The following ARID1B variants were observed in gnomAD, a reference collection of about 807,000 sequenced individuals.
ARID1B encodes AT-rich interactive domain-containing protein 1B.
ARID1B carries 30 observed loss-of-function variants against 212.3 expected under a neutral mutation model. The ratio of observed to expected loss-of-function variants is 0.14; its 90% confidence interval spans 0.11 to 0.19. The LOEUF (loss-of-function observed/expected upper bound fraction) is 0.19, where lower values mean the gene tolerates loss of function less well. ARID1B is among the 10% of genes least tolerant of loss of function. The pLI is 1.00. For missense variants in ARID1B, 2,891 were observed against 3,204.0 expected (o/e 0.90, Z 2.36); for synonymous variants, 1,402 against 1,301.7 (o/e 1.08, Z -1.66).
chr6:157,144,860 A>G (rs1240545468), intron 7 of ARID1B, among the ~76,000 whole-genome samples: 1 of 152,244 alleles, frequency 6.6e-6, no homozygotes, highest in Admixed American at 6.5e-5. Flanking sequence ...AAACTGATGA[A>G]CAGTGGTGTT....
Position 156,829,158 on chromosome 6 carries a change from C to T in ARID1B, c.1792-69C>T, listed in dbSNP as rs1782962244. On this transcript the variant is annotated intron_variant, in intron 1 of 19. Coordinates refer to ENST00000636930, the MANE Select transcript of ARID1B (RefSeq NM_001374828.1). ...GTTGTGTTATTAATGCATATGTTGACATAACACAAATTTGTGCCTTTGTAA... is the reference window on the plus strand; with the variant it reads ...GTTGTGTTATTAATGCATATGTTGATATAACACAAATTTGTGCCTTTGTAA... 8 of 1,308,470 alleles carry T rather than the reference C, an allele frequency of 6.1e-6. No individual in the cohort carries two copies. The Admixed American group carries it at 1.7e-4, about 27-fold the overall frequency. The allele number at this position is 1,308,470 out of a possible 1,614,324, so 81.1% of individuals were successfully genotyped here.
At chr6:156,918,603 T>C (rs1790541726) in intron 3 of ARID1B, among the ~76,000 whole-genome samples, 1 of 152,232 alleles carries the variant, frequency 6.6e-6, no homozygotes, top group African/African-American at 2.4e-5. Flanking sequence ...TACAGTTGTC[T>C]CAGGCTTTGA....
At chr6:157,165,313 A>G (rs1369513543) in intron 8 of ARID1B, among the ~76,000 whole-genome samples, 2 of 152,200 alleles carry the variant, frequency 1.3e-5, no homozygotes, top group Non-Finnish European at 2.9e-5. Context: ...GGCTAAAGTA[A>G]TGCCCATTTC....
At chr6:157,056,851 A>ACTTTTTTTTGTTAAAACTTTTCTT (rs1782988345) in intron 4 of ARID1B, among the ~76,000 whole-genome samples, 3 of 135,646 alleles carry the variant, frequency 2.2e-5, no homozygotes, top group Non-Finnish European at 5.0e-5. Context: ...GCTTTTTTTA[A>ACTTTTTTTTGTTAAAACTTTTCTT]CTTTTTTTGT....
intron 7 of ARID1B, among the ~76,000 whole-genome samples, chr6:157,137,840 C>G (rs1022977069): frequency 1.3e-5 from 2 of 152,130 alleles, no homozygotes; most frequent in African/African-American, 4.8e-5. Context: ...AGAGGACTTA[C>G]AAGTAGGTGT....
chr6:156,878,232 T>C (rs1040104031), intron 2 of ARID1B, among the ~76,000 whole-genome samples: 1 of 152,092 alleles, frequency 6.6e-6, no homozygotes, highest in Admixed American at 6.5e-5. Context: ...TTTTACCTTG[T>C]GTCAGCGAGG....
At chr6:156,933,349 T>C (rs1791907665) in intron 3 of ARID1B, among the ~76,000 whole-genome samples, 1 of 152,202 alleles carries the variant, frequency 6.6e-6, no homozygotes, top group Admixed American at 6.5e-5. Context: ...TGCACCTTTG[T>C]GCTTTTTTGT....
intron 4 of ARID1B, among the ~76,000 whole-genome samples, chr6:157,032,673 G>A (rs1247518008): frequency 6.6e-6 from 1 of 152,144 alleles, no homozygotes; most frequent in Non-Finnish European, 1.5e-5. Context: ...ATGGAACAAT[G>A]GGTAATGTTA....
chr6:156,777,940 A>ACGCGGGCGC lies in ARID1B; in HGVS notation c.266_274dup (p.Gly89_Ala91dup), dbSNP rs777784233. Reference sequence around the variant, plus strand: ...CGTCACGAACTCAACATGGCCCATAACGCGGGCGCCGCGGCCGCCGCCGGC... The same window carrying ACGCGGGCGC: ...CGTCACGAACTCAACATGGCCCATAACGCGGGCGCCGCGGGCGCCGCGGCCGCCGCCGGC... On this transcript the variant is annotated inframe_insertion, in exon 1 of 20. Coordinates refer to ENST00000636930, the MANE Select transcript of ARID1B (RefSeq NM_001374828.1). The ACGCGGGCGC allele has an allele frequency of 2.9e-5, 44 of 1,526,748 alleles. No individual in the cohort carries two copies. In the Middle Eastern group the frequency reaches 1.4e-3, roughly 47 times the overall value. The allele number at this position is 1,526,748 out of a possible 1,614,324, so 94.6% of individuals were successfully genotyped here.
intron 4 of ARID1B, among the ~76,000 whole-genome samples, chr6:157,004,563 A>G (rs1251942832): frequency 6.6e-6 from 1 of 152,228 alleles, no homozygotes; most frequent in Non-Finnish European, 1.5e-5. Flanking sequence ...TTGAAATTTT[A>G]AAACATACAT....
intron 2 of ARID1B, among the ~76,000 whole-genome samples, chr6:156,861,585 T>G (rs1241016565): frequency 2.0e-5 from 3 of 152,076 alleles, no homozygotes; most frequent in Non-Finnish European, 4.4e-5. Flanking sequence ...CACTCAAGCC[T>G]GGGTTTCAGA....
In ARID1B at chr6:156,778,205, C is replaced by T. The variant is rs2114965854; in HGVS notation, c.525C>T (p.His175=). The T allele has an allele frequency of 6.5e-7, 1 of 1,540,184 alleles. No individual in the cohort carries two copies. Residue 175 remains histidine, a synonymous_variant, in exon 1 of 20, where the codon CAC becomes CAT. Transcript: ENST00000636930. The stretch of plus-strand genomic sequence containing the variant: ...ACCACCACCACCACCATGCCCACCA[C>T]CACCACCACCATGCCCACCACCTCC... ...QQHHHHHHAH[H]HHHHAHHLHH...
intron 4 of ARID1B, among the ~76,000 whole-genome samples, chr6:157,020,660 CAG>C (rs1360723329): frequency 6.6e-6 from 1 of 152,174 alleles, no homozygotes; most frequent in African/African-American, 2.4e-5. Flanking sequence ...AAATATTAAA[CAG>C]TGGTGGTTTC....
intron 1 of ARID1B, among the ~76,000 whole-genome samples, chr6:156,810,384 G>T (rs886599504): frequency 1.3e-5 from 2 of 152,186 alleles, no homozygotes; most frequent in East Asian, 1.9e-4. Context: ...CTTTATAGAT[G>T]AGGGGATTGA....
chr6:156,997,948 A>G (rs140558296), intron 4 of ARID1B, among the ~76,000 whole-genome samples: 15 of 152,330 alleles, frequency 9.8e-5, no homozygotes, highest in Admixed American at 4.6e-4. Context: ...TATAAATGTT[A>G]GAAGAATGGG....
intron 6 of ARID1B, among the ~76,000 whole-genome samples, chr6:157,114,108 A>T (rs1219910878): frequency 1.3e-5 from 2 of 152,184 alleles, no homozygotes; most frequent in Admixed American, 1.3e-4. Flanking sequence ...TCATTCCCCC[A>T]TATTGGAAAG....
intron 2 of ARID1B, among the ~76,000 whole-genome samples, chr6:156,897,205 TGCTGCTG>T (rs1562468072): frequency 1.2e-4 from 10 of 80,198 alleles, no homozygotes; most frequent in African/African-American, 4.8e-4. Flanking sequence ...CTGCTGCTGC[TGCTGCTG>T]CTGCTGCTTC....
At chr6:157,096,139 C>T (rs1785610474) in intron 5 of ARID1B, among the ~76,000 whole-genome samples, 1 of 152,236 alleles carries the variant, frequency 6.6e-6, no homozygotes, top group Admixed American at 6.5e-5. Flanking sequence ...AAGGATCTTT[C>T]CCTTCACGAA....
chr6:156,864,456 T>C (rs1310012436), intron 2 of ARID1B, among the ~76,000 whole-genome samples: 1 of 152,250 alleles, frequency 6.6e-6, no homozygotes, highest in African/African-American at 2.4e-5. Flanking sequence ...CCACTAGCTA[T>C]CTGTAATCTT....
Sources: allele counts gnomAD v4.1 joint callset (sites outside exome capture counted in the v4.1 genomes callset), GRCh38; gene constraint gnomAD v4.1.1; transcripts MANE v1.5; gene names NCBI Gene and HGNC (gene_info 2026-07-23, HGNC 2026-07-21).